Variants in TRPC6 observed in about 807,000 individuals in gnomAD.
TRPC6 encodes the protein short transient receptor potential channel 6.
A neutral mutation model predicts 90.7 loss-of-function variants in TRPC6; 55 were observed. That is an observed-to-expected ratio of 0.61 (90% CI 0.49 to 0.76). The LOEUF is 0.76. Among genes scored for constraint, TRPC6 ranks in the 30% least tolerant of loss-of-function variants. The pLI, the probability that TRPC6 is intolerant of heterozygous loss-of-function variation, is 0.00. For synonymous variants in TRPC6, 393 were observed against 393.0 expected (o/e 1.00, Z 0.00); for missense variants, 989 against 1,122.7 (o/e 0.88, Z 1.70).
At chr11:101,544,926 G>C (rs1555010567) in intron 1 of TRPC6, among the ~76,000 whole-genome samples, 1 of 151,866 alleles carries the variant, frequency 6.6e-6, no homozygotes, top group Non-Finnish European at 1.5e-5. Context: ...GACACTTTTT[G>C]AACTTTTCTA....
intron 1 of TRPC6, among the ~76,000 whole-genome samples, chr11:101,506,374 G>A (rs1247712311): frequency 1.3e-5 from 2 of 152,106 alleles, no homozygotes; most frequent in East Asian, 1.9e-4. Flanking sequence ...TTTCCCTACT[G>A]GCCTTTATCA....
At chr11:101,494,991 TTGG>T (rs1423115889) in intron 2 of TRPC6, among the ~76,000 whole-genome samples, 6 of 152,190 alleles carry the variant, frequency 3.9e-5, no homozygotes, top group African/African-American at 1.4e-4. Flanking sequence ...AAATAAAATG[TTGG>T]TGGTAGCTCA....
At position 101,504,374 on chromosome 11, in the gene TRPC6, A is replaced by C. The variant is rs1860203709; in HGVS notation, c.595T>G (p.Ser199Ala). 6.2e-7 allele frequency: 1 copy of C among 1,614,118 alleles called. No individual in the cohort carries two copies. The highest frequency in any genetic ancestry group is 1.3e-5 in the African/African-American group (1 of 75,044). ...GKRLATSPSQ[S>A]ELQQDDFYAY... ...TAAAAATCATCTTGCTGGAGTTCAG[A>C]CTGGCTAGGGCTGGTTGCTAACCTC... The change falls in exon 2 of 13, where the codon TCT (serine) becomes GCT (alanine). Residue 199 changes from serine (S) to alanine (A), a missense_variant. By Grantham distance (99) the Ser-to-Ala change is moderately conservative (BLOSUM62 1). Transcript: ENST00000344327.
At chr11:101,482,267 GGATTT>G (rs1409595740) in intron 5 of TRPC6, among the ~76,000 whole-genome samples, 3 of 152,112 alleles carry the variant, frequency 2.0e-5, no homozygotes, top group African/African-American at 7.2e-5. Flanking sequence ...AACAGCCACT[GGATTT>G]ATTTATTCAT....
intron 10 of TRPC6, among the ~76,000 whole-genome samples, chr11:101,465,455 G>A (rs1859120836): frequency 6.6e-6 from 1 of 152,034 alleles, no homozygotes; most frequent in African/African-American, 2.4e-5. Context: ...TTTCCACGTA[G>A]TCCCATATTT....
At chr11:101,471,082 ATG>A in intron 9 of TRPC6, 99 bp downstream of exon 9, 1 of 1,134,962 alleles carries the variant, frequency 8.8e-7, no homozygotes, top group Non-Finnish European at 1.3e-6. Context: ...GAATGAATGG[ATG>A]TGTCATCAGG....
At chr11:101,565,231 T>C (rs1182056585) in intron 1 of TRPC6, among the ~76,000 whole-genome samples, 1 of 152,062 alleles carries the variant, frequency 6.6e-6, no homozygotes, top group Non-Finnish European at 1.5e-5. Context: ...TAAAAGCTTC[T>C]GCACAGCAAA....
intron 2 of TRPC6, among the ~76,000 whole-genome samples, chr11:101,492,496 A>G (rs549176938): frequency 6.6e-6 from 1 of 152,184 alleles, no homozygotes; most frequent in African/African-American, 2.4e-5. Flanking sequence ...CTGAGATGGG[A>G]GGATCACCCG....
intron 1 of TRPC6, among the ~76,000 whole-genome samples, chr11:101,545,493 G>A (rs1299930618): frequency 6.6e-6 from 1 of 152,062 alleles, no homozygotes; most frequent in Non-Finnish European, 1.5e-5. Context: ...CCCAACAATT[G>A]ATATAAACAA....
intron 2 of TRPC6, among the ~76,000 whole-genome samples, chr11:101,494,507 T>C (rs922648679): frequency 1.3e-5 from 2 of 152,162 alleles, no homozygotes; most frequent in African/African-American, 2.4e-5. Context: ...AAAAATACCA[T>C]GGAGCTGAGA....
chr11:101,505,018 A>C (rs567758090), intron 1 of TRPC6, among the ~76,000 whole-genome samples: 1 of 152,322 alleles, frequency 6.6e-6, no homozygotes, highest in South Asian at 2.1e-4. Context: ...TAACATTCCC[A>C]TTTGGGGTGG....
chr11:101,463,916 C>T (rs1442920353), intron 10 of TRPC6, among the ~76,000 whole-genome samples: 1 of 152,154 alleles, frequency 6.6e-6, no homozygotes, highest in African/African-American at 2.4e-5. Flanking sequence ...AATTTTAGAT[C>T]ATTCCTGCCT....
At chr11:101,531,008 A>C (rs1057388161) in intron 1 of TRPC6, among the ~76,000 whole-genome samples, 1 of 152,176 alleles carries the variant, frequency 6.6e-6, no homozygotes, top group Non-Finnish European at 1.5e-5. Context: ...GCTAATGTAC[A>C]TCATGGTGAC....
intron 2 of TRPC6, among the ~76,000 whole-genome samples, chr11:101,494,360 A>G (rs1047239250): frequency 6.6e-6 from 1 of 152,202 alleles, no homozygotes; most frequent in African/African-American, 2.4e-5. Context: ...AGTGAGATTA[A>G]ATAAGTATTA....
At chr11:101,472,078 A>G in intron 8 of TRPC6, 59 bp downstream of exon 8, 1 of 1,520,250 alleles carries the variant, frequency 6.6e-7, no homozygotes, top group Admixed American at 1.7e-5. Context: ...TTGCTGAGTT[A>G]GCCCTTGGAA....
Position 101,572,065 on chromosome 11 carries a change from T to C in TRPC6, c.170+11269A>G, listed in dbSNP as rs555464560. ...AGCTTCTGCACAGCAAAAGAAACTA[T>C]CATCAGATTGAATAGGCAACCTACA... On this transcript the variant is annotated intron_variant, in intron 1 of 12. Coordinates refer to ENST00000344327, the MANE Select transcript of TRPC6 (RefSeq NM_004621.6). Among the ~76,000 whole-genome samples the C allele has an allele frequency of 1.1e-4, 16 of 152,152 alleles. No homozygotes were observed. The South Asian group carries it at 3.3e-3, about 32-fold the overall frequency.
intron 1 of TRPC6, among the ~76,000 whole-genome samples, chr11:101,528,712 A>G (rs112913643): frequency 0.015 from 2,270 of 152,282 alleles, 51 homozygotes; most frequent in African/African-American, 0.05. Flanking sequence ...CATATCTGAA[A>G]AACATAAACA....
chr11:101,530,722 G>A (rs74589053), intron 1 of TRPC6, among the ~76,000 whole-genome samples: 34,255 of 151,918 alleles, frequency 0.23, 4,144 homozygotes, highest in Middle Eastern at 0.34. Context: ...ACGCCAGCTC[G>A]AGCCCCTGGT....
chr11:101,581,789 C>G (rs994200641), intron 1 of TRPC6, among the ~76,000 whole-genome samples: 1 of 152,318 alleles, frequency 6.6e-6, no homozygotes, highest in Non-Finnish European at 1.5e-5. Flanking sequence ...GACTAGCAAC[C>G]TTGTCATCAT....
Sources: allele counts gnomAD v4.1 joint callset (sites outside exome capture counted in the v4.1 genomes callset), GRCh38; gene constraint gnomAD v4.1.1; transcripts MANE v1.5; gene names NCBI Gene and HGNC (gene_info 2026-07-23, HGNC 2026-07-21).